STRADB: variants seen among roughly 807,000 people sequenced by gnomAD.
STRADB encodes the protein STE20 related adaptor beta.
In STRADB, 34 loss-of-function variants were observed where a neutral mutation model predicts 52.1. That is an observed-to-expected ratio of 0.65 (90% CI 0.50 to 0.87). The LOEUF (loss-of-function observed/expected upper bound fraction) is 0.87, where lower values mean the gene tolerates loss of function less well. Among genes scored for constraint, STRADB ranks in the 40% least tolerant of loss-of-function variants. The pLI, the probability that STRADB is intolerant of heterozygous loss-of-function variation, is 0.00. For missense variants in STRADB, 340 were observed against 483.9 expected, an observed-to-expected ratio of 0.70 and a Z score of 2.79; for synonymous variants, 133 against 174.5, an observed-to-expected ratio of 0.76 and a Z score of 1.87.
At chr2:201,478,856 C>G (rs1952523950) in intron 10 of STRADB, among the ~76,000 whole-genome samples, 1 of 151,868 alleles carries the variant, frequency 6.6e-6, no homozygotes, top group Non-Finnish European at 1.5e-5. Context: ...GGTGGATTGC[C>G]TGAGGTCAGG....
intron 3 of STRADB, 30 bp from the exon 4 acceptor site, chr2:201,469,923 T>G (rs375285721): frequency 3.2e-6 from 5 of 1,542,780 alleles, no homozygotes; most frequent in Non-Finnish European, 4.5e-6. Context: ...AGTTCATCTA[T>G]TTTGTTTTTA....
Position 201,477,615 on chromosome 2 carries a change from C to T in STRADB, c.549-4C>T, listed in dbSNP as rs749864857. ...TTACTTAGCATTGTTTCTTTTTGTT[C>T]TAGGAGTATTAAAGCCAGCCATATC... On this transcript the variant is annotated splice_region_variant and splice_polypyrimidine_tract_variant and intron_variant, in intron 7 of 11. Transcript: ENST00000194530. 20 of 1,600,030 alleles carry T rather than the reference C, an allele frequency of 1.2e-5. No individual in the cohort carries two copies. Among genetic ancestry groups the T allele is most frequent in the Non-Finnish European group, 1.5e-5 (17 of 1,169,878 alleles).
At chr2:201,478,013 C>T in intron 8 of STRADB, 74 bp from the exon 9 acceptor site, 1 of 1,346,328 alleles carries the variant, frequency 7.4e-7, no homozygotes, top group Non-Finnish European at 1.0e-6. Context: ...CATTCTTTAT[C>T]AAAAAAGCAC....
chr2:201,459,341 T>C lies in STRADB; in HGVS notation c.93+477T>C, dbSNP rs569951781. Among the ~76,000 whole-genome samples, 55 of 152,266 alleles carry C rather than the reference T, an allele frequency of 3.6e-4. No homozygotes were observed. The South Asian group carries it at 0.011, about 32-fold the overall frequency. On this transcript the variant is annotated intron_variant, in intron 3 of 11. Transcript: ENST00000194530. ...GACTCTTTCCTGGGCAACAGACGTG[T>C]CTCTAGAATACCTCCAATTGGATTT...
chr2:201,467,870 A>G (rs1181115813), intron 3 of STRADB, among the ~76,000 whole-genome samples: 2 of 151,934 alleles, frequency 1.3e-5, no homozygotes, highest in East Asian at 3.9e-4. Flanking sequence ...ATGTAGCTCA[A>G]TATTGTGCTT....
At chr2:201,452,949 CTT>C (rs1396269293) in intron 1 of STRADB, among the ~76,000 whole-genome samples, 1 of 152,126 alleles carries the variant, frequency 6.6e-6, no homozygotes, top group Non-Finnish European at 1.5e-5. Context: ...ATATAAGTCT[CTT>C]AAATATGACT....
intron 2 of STRADB, among the ~76,000 whole-genome samples, chr2:201,456,388 G>A (rs1952127922): frequency 6.6e-6 from 1 of 152,180 alleles, no homozygotes. Context: ...GATTCAAAGG[G>A]CTGTGTGTTG....
At chr2:201,472,737 T>G (rs372456187) in intron 4 of STRADB, 2 of 368,714 alleles carry the variant, frequency 5.4e-6, no homozygotes. Flanking sequence ...ATATTGGCTG[T>G]TCCTATATCT....
rs368316591 is a variant in STRADB at position 201,469,989 on chromosome 2, A to G, written c.130A>G (p.Thr44Ala). 1.7e-5 allele frequency: 27 copies of G among 1,613,914 alleles called. No individual in the cohort carries two copies. Among genetic ancestry groups the G allele is most frequent in the Non-Finnish European group, 2.2e-5 (26 of 1,180,006 alleles). Residue 44 changes from threonine (T) to alanine (A), a missense_variant, in exon 4 of 12, where the codon ACT (threonine) becomes GCT (alanine). Thr to Ala is a moderately conservative substitution (Grantham distance 58, BLOSUM62 0). Coordinates refer to ENST00000194530, the MANE Select transcript of STRADB (RefSeq NM_018571.6). Reference protein sequence around the residue: ...EPTLSWSRPSTRASEVLCSTN... With the variant: ...EPTLSWSRPSARASEVLCSTN... The stretch of plus-strand genomic sequence containing the variant: ...AACCCTTTCCTGGTCACGTCCATCC[A>G]CTAGAGCCAGTGAAGTACTATGTTC...
intron 3 of STRADB, among the ~76,000 whole-genome samples, chr2:201,468,228 AT>A (rs1952336582): frequency 6.6e-6 from 1 of 151,180 alleles, no homozygotes; most frequent in South Asian, 2.1e-4. Context: ...CTTTGCCATA[AT>A]TTTTGCTTTC....
At chr2:201,454,975 T>G (rs1009298300) in intron 2 of STRADB, 123 bp downstream of exon 2, 1 of 828,936 alleles carries the variant, frequency 1.2e-6, no homozygotes, top group Non-Finnish European at 1.8e-6. Context: ...TGTTTTGACC[T>G]GATTGACTTC....
chr2:201,455,691 G>C (rs563920596), intron 2 of STRADB, among the ~76,000 whole-genome samples: 1 of 151,414 alleles, frequency 6.6e-6, no homozygotes, highest in Non-Finnish European at 1.5e-5. Context: ...GTGATAGAGG[G>C]AGATCCTGTC....
At chr2:201,452,438 A>G (rs1374838837) in intron 1 of STRADB, among the ~76,000 whole-genome samples, 2 of 152,192 alleles carry the variant, frequency 1.3e-5, no homozygotes, top group East Asian at 1.9e-4. Context: ...CGGTTTTTCA[A>G]TTCAACGCTG....
At position 201,480,160 on chromosome 2, in the gene STRADB, A is replaced by C; in HGVS notation, c.1242A>C (p.Ser414=). 6.2e-7 allele frequency: 1 copy of C among 1,613,744 alleles called. No homozygotes were observed. Among genetic ancestry groups the C allele is most frequent in the Non-Finnish European group, 8.5e-7 (1 of 1,179,748 alleles). The change falls in exon 12 of 12, where the codon TCA becomes TCC. Residue 414 remains serine, a synonymous_variant. Transcript: ENST00000194530. ...PECDFPDEKD[S]YWEF ...GTGATTTTCCTGATGAAAAAGACTC[A>C]TACTGGGAATTCTAGGGCTGCCAAA...
intron 3 of STRADB, among the ~76,000 whole-genome samples, chr2:201,460,351 A>T (rs1372714834): frequency 6.6e-6 from 1 of 152,172 alleles, no homozygotes; most frequent in Non-Finnish European, 1.5e-5. Flanking sequence ...TGGTTTATCT[A>T]TCACTTTAAG....
intron 3 of STRADB, among the ~76,000 whole-genome samples, chr2:201,468,085 C>CTTTTTTTTTTTT (rs536551120): frequency 0.011 from 745 of 70,464 alleles, 3 homozygotes; most frequent in Non-Finnish European, 0.012. Context: ...TTTTTTTTTT[C>CTTTTTTTTTTTT]TTTTTTTTTT....
intron 4 of STRADB, among the ~76,000 whole-genome samples, chr2:201,471,566 C>T (rs1952389103): frequency 6.6e-6 from 1 of 152,176 alleles, no homozygotes; most frequent in African/African-American, 2.4e-5. Context: ...TACCGAGGCT[C>T]TGAGTCATAC....
intron 3 of STRADB, among the ~76,000 whole-genome samples, chr2:201,468,352 A>G (rs1236775114): frequency 6.6e-6 from 1 of 152,176 alleles, no homozygotes; most frequent in Non-Finnish European, 1.5e-5. Context: ...TAAAGTGCCC[A>G]TAATTCACCT....
chr2:201,480,595 A>G lies in STRADB; in HGVS notation c.*420A>G. ...TGAGCTATTGTTAAACCAACAGGCT[A>G]GTTTATCTTACATCAGACCCTTTTC... On this transcript the variant is annotated 3_prime_UTR_variant, in exon 12 of 12. Coordinates refer to ENST00000194530, the MANE Select transcript of STRADB (RefSeq NM_018571.6). The G allele has an allele frequency of 1.0e-6, 1 of 995,776 alleles. No homozygotes were observed. The highest frequency in any genetic ancestry group is 1.2e-6 in the Non-Finnish European group (1 of 835,628). 61.7% of individuals were successfully genotyped at this position (995,776 alleles called of 1,614,324 possible).
Sources: gnomAD v4.1 joint callset for allele counts (sites outside exome capture counted in the v4.1 genomes callset) on GRCh38, gnomAD v4.1.1 for gene constraint, MANE v1.5 for transcripts, NCBI Gene and HGNC (gene_info 2026-07-23, HGNC 2026-07-21) for gene names.